The following FIGN variants were observed in gnomAD, a reference collection of about 807,000 sequenced individuals.
FIGN encodes the protein fidgetin, microtubule severing factor.
Under a neutral mutation model 51.3 loss-of-function variants are expected in FIGN, and 11 were observed. The ratio of observed to expected loss-of-function variants is 0.21; its 90% CI spans 0.13 to 0.35. The LOEUF is 0.35. Ranked by LOEUF, FIGN falls within the 10% of genes least tolerant of loss-of-function variation. The pLI, the probability that FIGN is intolerant of heterozygous loss-of-function variation, is 1.00. For synonymous variants in FIGN, 407 were observed against 363.2 expected (o/e 1.12, Z -1.37); for missense variants, 857 against 943.6 (o/e 0.91, Z 1.20).
At chr2:163,623,726 CTGGCCATTATA>C (rs1311865692) in intron 2 of FIGN, among the ~76,000 whole-genome samples, 1 of 152,120 alleles carries the variant, frequency 6.6e-6, no homozygotes, top group Non-Finnish European at 1.5e-5. Flanking sequence ...TTTCAATCTT[CTGGCCATTATA>C]TGATCACTTA....
chr2:163,728,029 CT>C (rs1423509300), intron 2 of FIGN, among the ~76,000 whole-genome samples: 1 of 152,174 alleles, frequency 6.6e-6, no homozygotes, highest in Admixed American at 6.5e-5. Flanking sequence ...ATACAGCATA[CT>C]GCAACATTAG....
intron 2 of FIGN, among the ~76,000 whole-genome samples, chr2:163,717,472 C>CAT (rs1052010645): frequency 6.6e-6 from 1 of 151,776 alleles, no homozygotes; most frequent in Non-Finnish European, 1.5e-5. Context: ...GGCATAGAGT[C>CAT]ATAGTATTTT....
At chr2:163,684,939 A>AT (rs548647272) in intron 2 of FIGN, among the ~76,000 whole-genome samples, 5,395 of 119,382 alleles carry the variant, frequency 0.045, 264 homozygotes, top group African/African-American at 0.12. Context: ...ATGCCTGGCT[A>AT]TTTTTTTTTT....
rs73974379 is a variant in FIGN at position 163,707,848 on chromosome 2, T to G, written c.25+27055A>C. Among the ~76,000 whole-genome samples the G allele has an allele frequency of 2.8e-3, 430 of 152,274 alleles. 1 individual carries two copies. The highest frequency in any genetic ancestry group is 1.0e-2 in the African/African-American group (415 of 41,582). Reference sequence around the variant, plus strand: ...AAAAATACATATTTAACAGAGATACTACTGGTCTTGATATAACCAGAAATT... The same window carrying G: ...AAAAATACATATTTAACAGAGATACGACTGGTCTTGATATAACCAGAAATT... On this transcript the variant is annotated intron_variant, in intron 2 of 2. Coordinates refer to ENST00000333129, the MANE Select transcript of FIGN (RefSeq NM_018086.4).
intron 2 of FIGN, among the ~76,000 whole-genome samples, chr2:163,684,530 C>A (rs537971922): frequency 6.6e-6 from 1 of 152,104 alleles, no homozygotes; most frequent in Non-Finnish European, 1.5e-5. Context: ...CCCATTAGGT[C>A]TCAGGTCTTT....
At chr2:163,714,538 T>C (rs1361672219) in intron 2 of FIGN, among the ~76,000 whole-genome samples, 1 of 152,190 alleles carries the variant, frequency 6.6e-6, no homozygotes, top group South Asian at 2.1e-4. Flanking sequence ...AAATGCAAAG[T>C]ACTAATTACT....
intron 2 of FIGN, among the ~76,000 whole-genome samples, chr2:163,659,419 C>T (rs1208816877): frequency 2.0e-5 from 3 of 151,624 alleles, no homozygotes; most frequent in Non-Finnish European, 4.4e-5. Flanking sequence ...AAATGAATCA[C>T]CAAGGGCAGT....
At chr2:163,708,051 C>A (rs2105354852) in intron 2 of FIGN, among the ~76,000 whole-genome samples, 1 of 152,178 alleles carries the variant, frequency 6.6e-6, no homozygotes, top group East Asian at 1.9e-4. Context: ...GAGATAATTT[C>A]ATCATTGGGA....
rs148861299 is a variant in FIGN, at chr2:163,714,453, C to G, written c.25+20450G>C. ...ACCTCCCCCCAAAAAAGAGGCAATG[C>G]AAAGCAAACCAATGAGCATATGTCC... On this transcript the variant is annotated intron_variant, in intron 2 of 2. Coordinates refer to ENST00000333129, the MANE Select transcript of FIGN (RefSeq NM_018086.4). Among the ~76,000 whole-genome samples, 164 of 152,290 alleles carry G rather than the reference C, an allele frequency of 1.1e-3. 2 individuals are homozygous for G. The East Asian group carries it at 0.014, about 13-fold the overall frequency.
At chr2:163,675,355 G>C (rs1445126316) in intron 2 of FIGN, among the ~76,000 whole-genome samples, 1 of 152,206 alleles carries the variant, frequency 6.6e-6, no homozygotes, top group East Asian at 1.9e-4. Flanking sequence ...GGAAAAAACT[G>C]TGGCCCTAAC....
intron 2 of FIGN, among the ~76,000 whole-genome samples, chr2:163,639,017 T>C (rs954949324): frequency 6.6e-6 from 1 of 152,172 alleles, no homozygotes; most frequent in Non-Finnish European, 1.5e-5. Flanking sequence ...TATAGAATTT[T>C]TATGGATTCT....
intron 2 of FIGN, among the ~76,000 whole-genome samples, chr2:163,656,243 T>A (rs1683557588): frequency 6.6e-6 from 1 of 152,186 alleles, no homozygotes; most frequent in African/African-American, 2.4e-5. Context: ...ACATTTTTCC[T>A]GGATGCTAAT....
intron 2 of FIGN, among the ~76,000 whole-genome samples, chr2:163,626,843 A>C (rs138417621): frequency 4.1e-4 from 62 of 152,294 alleles, no homozygotes; most frequent in Admixed American, 1.2e-3. Context: ...GATAGTGACG[A>C]AAGTGACCTC....
chr2:163,634,296 C>T (rs1343445409), intron 2 of FIGN, among the ~76,000 whole-genome samples: 1 of 151,884 alleles, frequency 6.6e-6, no homozygotes, highest in Non-Finnish European at 1.5e-5. Flanking sequence ...CTTCATTTTC[C>T]CTTGACCACT....
At position 163,610,096 on chromosome 2, in the gene FIGN, G is replaced by A; in HGVS notation, c.1736C>T (p.Pro579Leu). 1 of 1,613,790 alleles carries A rather than the reference G, an allele frequency of 6.2e-7. No individual in the cohort carries two copies. Among genetic ancestry groups the A allele is most frequent in the Non-Finnish European group, 8.5e-7 (1 of 1,179,796 alleles). ...ASFLVARCRQ[P>L]SVIFVSDIDM... ...AATGTCACTAACAAAAATCACCGAG[G>A]GCTGGCGACACCTGGCCACAAGAAA... Residue 579 changes from proline to leucine, a missense_variant, in exon 3 of 3, where the codon CCC becomes CTC. Transcript: ENST00000333129.
At chr2:163,616,488 A>C (rs1682879992) in intron 2 of FIGN, among the ~76,000 whole-genome samples, 1 of 152,152 alleles carries the variant, frequency 6.6e-6, no homozygotes, top group African/African-American at 2.4e-5. Flanking sequence ...ATGTTCCCAT[A>C]GGGTAATTTT....
Position 163,611,177 on chromosome 2 carries a change from G to A in FIGN, c.655C>T (p.Leu219=), listed in dbSNP as rs373005404. The A allele has an allele frequency of 5.0e-6, 8 of 1,614,006 alleles. No homozygotes were observed. Among genetic ancestry groups the A allele is most frequent in the Non-Finnish European group, 6.8e-6 (8 of 1,180,008 alleles). The change falls in exon 3 of 3, where the codon CTA becomes TTA. Residue 219 remains leucine, a synonymous_variant. Coordinates refer to ENST00000333129, the MANE Select transcript of FIGN (RefSeq NM_018086.4). ...PHPSPLHSSG[L]LQPPPPPPPP... is the part of the protein sequence containing the mutation. ...GGAGGTGGTGGTGGGGGCTGTAGTAGCCCAGAGCTATGCAAAGGAGACGGA... is the reference window on the plus strand; with the variant it reads ...GGAGGTGGTGGTGGGGGCTGTAGTAACCCAGAGCTATGCAAAGGAGACGGA...
intron 2 of FIGN, among the ~76,000 whole-genome samples, chr2:163,666,800 C>T (rs1022887317): frequency 2.0e-5 from 3 of 151,722 alleles, no homozygotes; most frequent in African/African-American, 7.3e-5. Context: ...CAGCTAGTGG[C>T]AAAATCAGAA....
intron 2 of FIGN, among the ~76,000 whole-genome samples, chr2:163,680,511 C>T (rs996157328): frequency 6.6e-6 from 1 of 152,136 alleles, no homozygotes; most frequent in Non-Finnish European, 1.5e-5. Flanking sequence ...GCTGACACCA[C>T]GACAAGCCCC....
Sources: gnomAD v4.1 joint callset for allele counts (sites outside exome capture counted in the v4.1 genomes callset) on GRCh38, gnomAD v4.1.1 for gene constraint, MANE v1.5 for transcripts, NCBI Gene and HGNC (gene_info 2026-07-23, HGNC 2026-07-21) for gene names.